Variants in STAG1 observed in about 807,000 individuals in gnomAD.
STAG1 encodes the protein STAG1 cohesin complex component, also known as cohesin subunit SA-1.
In STAG1, 26 loss-of-function variants were observed where a neutral mutation model predicts 170.9. The ratio of observed to expected loss-of-function variants is 0.15; its 90% CI spans 0.11 to 0.21. STAG1 has a LOEUF of 0.21. Among genes scored for constraint, STAG1 ranks in the 10% least tolerant of loss-of-function variants. STAG1 has a pLI of 1.00. For missense variants in STAG1, 964 were observed against 1,509.5 expected, an observed-to-expected ratio of 0.64 and a Z score of 5.99; for synonymous variants, 514 against 497.7, an observed-to-expected ratio of 1.03 and a Z score of -0.44.
intron 7 of STAG1, among the ~76,000 whole-genome samples, chr3:136,503,860 G>C (rs944950947): frequency 1.3e-5 from 2 of 151,652 alleles, no homozygotes; most frequent in Admixed American, 6.6e-5. Flanking sequence ...CTCAGCCTCC[G>C]GAGTAGCTGG....
intron 1 of STAG1, among the ~76,000 whole-genome samples, chr3:136,688,512 C>T (rs1213130931): frequency 1.3e-5 from 2 of 152,218 alleles, no homozygotes; most frequent in African/African-American, 4.8e-5. Flanking sequence ...CTGCCTCAGC[C>T]TCCCATCTAG....
intron 1 of STAG1, among the ~76,000 whole-genome samples, chr3:136,635,527 A>G (rs2107842198): frequency 6.6e-6 from 1 of 152,324 alleles, no homozygotes. Context: ...ATGGAGAGAA[A>G]CTCAAAGCTT....
Position 136,500,242 on chromosome 3 carries a change from TA to T in STAG1, c.882del (p.Ile295TyrfsTer25). On this transcript the variant is annotated frameshift_variant, in exon 9 of 34. Coordinates refer to ENST00000383202, the MANE Select transcript of STAG1 (RefSeq NM_005862.3). LOFTEE classifies it high-confidence loss of function. Reference protein sequence around the residue: ...IENMMNSIFKGIFVHRYRDAI... With the variant: ...IENMMNSIFKXIFVHRYRDAI... Reference sequence around the variant, plus strand: ...TCTTACCGGTATCTATGAACAAATATACCCTTAAAAATAGAGTTCATCATAT... The same window carrying T: ...TCTTACCGGTATCTATGAACAAATATCCCTTAAAAATAGAGTTCATCATAT... 1 of 1,580,856 alleles carries T rather than the reference TA, an allele frequency of 6.3e-7. No individual in the cohort carries two copies. Among genetic ancestry groups the T allele is most frequent in the Non-Finnish European group, 8.6e-7 (1 of 1,157,392 alleles).
At chr3:136,485,144 A>G (rs2089981054) in intron 9 of STAG1, among the ~76,000 whole-genome samples, 2 of 152,164 alleles carry the variant, frequency 1.3e-5, no homozygotes, top group South Asian at 4.1e-4. Context: ...CTAGACATTT[A>G]TAATGAATAC....
chr3:136,571,213 C>A (rs1937256152), intron 4 of STAG1, among the ~76,000 whole-genome samples: 2 of 152,118 alleles, frequency 1.3e-5, no homozygotes, highest in South Asian at 2.1e-4. Flanking sequence ...ATACTCCCAC[C>A]AGTTACATAT....
At chr3:136,405,219 A>G (rs1452760278) in intron 21 of STAG1, among the ~76,000 whole-genome samples, 1 of 149,024 alleles carries the variant, frequency 6.7e-6, no homozygotes, top group Non-Finnish European at 1.5e-5. Context: ...AAATAAACAC[A>G]TGAAAAAACC....
chr3:136,533,054 C>G (rs1443156832), intron 6 of STAG1, among the ~76,000 whole-genome samples: 1 of 152,056 alleles, frequency 6.6e-6, no homozygotes. Context: ...GAGCTGATAG[C>G]AAATTCAGTA....
At chr3:136,551,712 C>T (rs1260041028) in intron 5 of STAG1, among the ~76,000 whole-genome samples, 1 of 151,688 alleles carries the variant, frequency 6.6e-6, no homozygotes, top group Non-Finnish European at 1.5e-5. Context: ...TCTTGGCCAC[C>T]TCCCACCCAG....
In STAG1 at chr3:136,479,060, CTTT is replaced by C. The variant is rs66966875; in HGVS notation, c.903-1651_903-1649del. On this transcript the variant is annotated intron_variant, in intron 9 of 33. Coordinates refer to ENST00000383202, the MANE Select transcript of STAG1 (RefSeq NM_005862.3). ...TTAAATGTTGGCTATTATAATCTTT[CTTT>C]TTTTTTTTTTTTTAATTTTTTTTTT... 4.5e-3 allele frequency among the ~76,000 whole-genome samples: 560 copies of C among 125,188 alleles called. 9 individuals carry two copies. The East Asian group carries it at 0.049, about 11-fold the overall frequency. The allele number at this position is 125,188 out of a possible 152,430, so 82.1% of individuals were successfully genotyped here.
chr3:136,454,369 C>T (rs1229452760), intron 13 of STAG1, among the ~76,000 whole-genome samples: 4 of 151,450 alleles, frequency 2.6e-5, no homozygotes, highest in Non-Finnish European at 5.9e-5. Flanking sequence ...CCTGAGCCAC[C>T]GTGATCGGCT....
chr3:136,520,229 C>G (rs1337609283), intron 7 of STAG1, among the ~76,000 whole-genome samples: 1 of 152,064 alleles, frequency 6.6e-6, no homozygotes, highest in Non-Finnish European at 1.5e-5. Context: ...GAACTTCTTG[C>G]CCAGCCATCT....
chr3:136,531,509 C>A (rs1478896408), intron 6 of STAG1, among the ~76,000 whole-genome samples: 2 of 149,088 alleles, frequency 1.3e-5, no homozygotes, highest in African/African-American at 5.0e-5. Context: ...TGGAACCAAC[C>A]CAAATGTCCA....
At chr3:136,612,654 A>G (rs962459708) in intron 3 of STAG1, among the ~76,000 whole-genome samples, 2 of 152,180 alleles carry the variant, frequency 1.3e-5, no homozygotes, top group Non-Finnish European at 2.9e-5. Context: ...CACTCTCTCC[A>G]GCCTGAACAA....
At chr3:136,688,537 G>A (rs566212125) in intron 1 of STAG1, among the ~76,000 whole-genome samples, 5 of 152,160 alleles carry the variant, frequency 3.3e-5, no homozygotes, top group East Asian at 1.9e-4. Flanking sequence ...GATTACAGGC[G>A]CATGTCACCG....
intron 13 of STAG1, among the ~76,000 whole-genome samples, chr3:136,463,396 C>A (rs1374088853): frequency 6.6e-6 from 1 of 152,152 alleles, no homozygotes; most frequent in African/African-American, 2.4e-5. Context: ...TGATGCACAA[C>A]AGTTGCCTAG....
chr3:136,563,741 C>T (rs1424783364), intron 5 of STAG1, among the ~76,000 whole-genome samples: 1 of 151,812 alleles, frequency 6.6e-6, no homozygotes, highest in East Asian at 1.9e-4. Flanking sequence ...CAGAGAAAGG[C>T]CGGGCACGGT....
intron 9 of STAG1, 149 bp from the exon 10 acceptor site, chr3:136,477,561 C>T (rs2089784158): frequency 1.6e-6 from 1 of 641,160 alleles, no homozygotes; most frequent in Non-Finnish European, 2.4e-6. Flanking sequence ...TTCTGTTTTT[C>T]ATGTTTTCTA....
At chr3:136,432,524 G>A (rs557821002) in intron 16 of STAG1, among the ~76,000 whole-genome samples, 3 of 142,938 alleles carry the variant, frequency 2.1e-5, no homozygotes, top group Non-Finnish European at 3.1e-5. Context: ...TGGGGGGGGG[G>A]GGGCACAGAG....
intron 3 of STAG1, among the ~76,000 whole-genome samples, chr3:136,618,707 T>G (rs1277792576): frequency 6.6e-6 from 1 of 152,218 alleles, no homozygotes; most frequent in Non-Finnish European, 1.5e-5. Context: ...AGAATAGTTT[T>G]TCTTTTCTTT....
Sources: gnomAD v4.1 joint callset for allele counts (sites outside exome capture counted in the v4.1 genomes callset) on GRCh38, gnomAD v4.1.1 for gene constraint, MANE v1.5 for transcripts, NCBI Gene and HGNC (gene_info 2026-07-23, HGNC 2026-07-21) for gene names.